The following TRPS1 variants were observed in gnomAD, a reference collection of about 807,000 sequenced individuals.
TRPS1 encodes zinc finger transcription factor Trps1.
In TRPS1, 6 loss-of-function variants were observed where a neutral mutation model predicts 101.2. The observed-to-expected ratio is 0.06, with a 90% CI of 0.03 to 0.12. The LOEUF (loss-of-function observed/expected upper bound fraction) is 0.12. Ranked by LOEUF, TRPS1 falls within the 10% of genes least tolerant of loss-of-function variation. The pLI is 1.00. For missense variants in TRPS1, 1,363 were observed against 1,567.0 expected (o/e 0.87, Z 2.20); for synonymous variants, 578 against 589.8 (o/e 0.98, Z 0.29).
At chr8:115,445,238 G>A (rs969239264) in intron 5 of TRPS1, among the ~76,000 whole-genome samples, 9 of 152,082 alleles carry the variant, frequency 5.9e-5, no homozygotes, top group Admixed American at 3.3e-4. Flanking sequence ...AAGACTCCAC[G>A]TTCCATGAAA....
chr8:115,563,933 C>T (rs778039352), intron 5 of TRPS1, among the ~76,000 whole-genome samples: 3 of 151,956 alleles, frequency 2.0e-5, no homozygotes, highest in Admixed American at 6.6e-5. Flanking sequence ...ATTCTGCCAC[C>T]GTTGGAAAAA....
In TRPS1 at chr8:115,631,842, T is replaced by G. The variant is rs562795505; in HGVS notation, c.-121-8084A>C. 3.3e-4 allele frequency among the ~76,000 whole-genome samples: 51 copies of G among 152,264 alleles called. 1 individual carries two copies. The highest frequency in any genetic ancestry group is 3.4e-3 in the Middle Eastern group (1 of 294). On this transcript the variant is annotated intron_variant, in intron 1 of 6. Transcript: ENST00000395715. Reference sequence around the variant, plus strand: ...TCACGACATCCAAGGAATCAAGGCATTAATTTTCTCCTTATTTCGGCTGAA... The same window carrying G: ...TCACGACATCCAAGGAATCAAGGCAGTAATTTTCTCCTTATTTCGGCTGAA...
chr8:115,524,411 C>A (rs1011120947), intron 5 of TRPS1, among the ~76,000 whole-genome samples: 12 of 146,080 alleles, frequency 8.2e-5, no homozygotes, highest in African/African-American at 3.0e-4. Context: ...ACCTCCACAT[C>A]CCAGGTTCAA....
At chr8:115,549,371 A>G (rs189353743) in intron 5 of TRPS1, among the ~76,000 whole-genome samples, 1 of 152,356 alleles carries the variant, frequency 6.6e-6, no homozygotes, top group East Asian at 1.9e-4. Flanking sequence ...TATGTTTCCA[A>G]TATGACAGGT....
At chr8:115,527,364 T>C (rs1275262847) in intron 5 of TRPS1, among the ~76,000 whole-genome samples, 1 of 152,110 alleles carries the variant, frequency 6.6e-6, no homozygotes, top group Admixed American at 6.6e-5. Context: ...CAAGGTGAAA[T>C]AGCTTAACTC....
intron 5 of TRPS1, among the ~76,000 whole-genome samples, chr8:115,497,623 G>A (rs936453788): frequency 3.3e-5 from 5 of 152,200 alleles, no homozygotes; most frequent in African/African-American, 1.2e-4. Flanking sequence ...AAAGTGGAAA[G>A]GGATAATTCT....
intron 5 of TRPS1, among the ~76,000 whole-genome samples, chr8:115,542,902 G>A (rs1183718123): frequency 6.6e-6 from 1 of 152,054 alleles, no homozygotes; most frequent in South Asian, 2.1e-4. Flanking sequence ...GTTCCATGAG[G>A]GAAAAGCACA....
intron 1 of TRPS1, among the ~76,000 whole-genome samples, chr8:115,624,420 T>C (rs773149801): frequency 1.3e-5 from 2 of 152,026 alleles, no homozygotes; most frequent in East Asian, 3.8e-4. Flanking sequence ...TCTGGGGCTA[T>C]GTAATAGTGA....
At chr8:115,614,584 T>G (rs1414449739) in intron 3 of TRPS1, among the ~76,000 whole-genome samples, 2 of 152,216 alleles carry the variant, frequency 1.3e-5, no homozygotes, top group Non-Finnish European at 2.9e-5. Context: ...TTGCACACTT[T>G]ATTACTTGTT....
chr8:115,623,609 TCATACC>T lies in TRPS1; in HGVS notation c.23_28del (p.Gly8_Tyr9del), dbSNP rs1456722723. ...AAAAATAGATCACATACTTGTAAAA[TCATACC>T]CAGCATTGACTTCATAAGGCATGTG... On this transcript the variant is annotated inframe_deletion, in exon 2 of 7. Coordinates refer to ENST00000395715, the MANE Select transcript of TRPS1 (RefSeq NM_014112.5). 20 of 1,611,952 alleles carry T rather than the reference TCATACC, an allele frequency of 1.2e-5. No homozygotes were observed. Among genetic ancestry groups the T allele is most frequent in the African/African-American group, 4.0e-5 (3 of 74,856 alleles).
intron 5 of TRPS1, among the ~76,000 whole-genome samples, chr8:115,449,956 A>AACACACACACACACACACACAC (rs61176190): frequency 4.8e-5 from 7 of 146,920 alleles, no homozygotes; most frequent in African/African-American, 1.8e-4. Context: ...TATGTGATTT[A>AACACACACACACACACACACAC]ACACACACAC....
At chr8:115,547,670 C>A (rs1816607150) in intron 5 of TRPS1, among the ~76,000 whole-genome samples, 1 of 152,104 alleles carries the variant, frequency 6.6e-6, no homozygotes, top group South Asian at 2.1e-4. Context: ...TTGCCACGGT[C>A]CCTAGTCCCT....
At chr8:115,637,183 A>G in intron 1 of TRPS1, 1 of 886,290 alleles carries the variant, frequency 1.1e-6, no homozygotes, top group Non-Finnish European at 1.4e-6. Context: ...TAACAATATT[A>G]ACATATGTCA....
At chr8:115,660,942 G>A (rs747909067) in intron 1 of TRPS1, among the ~76,000 whole-genome samples, 8 of 151,828 alleles carry the variant, frequency 5.3e-5, no homozygotes, top group Non-Finnish European at 8.8e-5. Context: ...TCACCCTAGG[G>A]AAAAATGCAT....
chr8:115,502,959 A>C (rs1038038979), intron 5 of TRPS1, among the ~76,000 whole-genome samples: 1 of 152,086 alleles, frequency 6.6e-6, no homozygotes, highest in Non-Finnish European at 1.5e-5. Context: ...CTGTAGGTAA[A>C]ATACTTTTAA....
At chr8:115,432,051 T>C (rs910258723) in intron 5 of TRPS1, among the ~76,000 whole-genome samples, 3 of 151,862 alleles carry the variant, frequency 2.0e-5, no homozygotes, top group Non-Finnish European at 4.4e-5. Flanking sequence ...GTTTAATATA[T>C]TTAAAAAATT....
chr8:115,610,073 C>T (rs373111635), intron 3 of TRPS1, among the ~76,000 whole-genome samples: 5 of 152,196 alleles, frequency 3.3e-5, no homozygotes, highest in East Asian at 3.9e-4. Context: ...TTATTTTCAA[C>T]GCAGCAAAGA....
At chr8:115,467,770 T>G (rs752769809) in intron 5 of TRPS1, among the ~76,000 whole-genome samples, 2 of 152,176 alleles carry the variant, frequency 1.3e-5, no homozygotes, top group Non-Finnish European at 2.9e-5. Context: ...TAGCTCACTG[T>G]GTAAATAACC....
intron 5 of TRPS1, among the ~76,000 whole-genome samples, chr8:115,437,991 A>G (rs2129864544): frequency 6.6e-6 from 1 of 152,338 alleles, no homozygotes; most frequent in African/African-American, 2.4e-5. Flanking sequence ...TTATGAGGTT[A>G]TTAAGGCTAA....
Sources: gnomAD v4.1 joint callset for allele counts (sites outside exome capture counted in the v4.1 genomes callset) on GRCh38, gnomAD v4.1.1 for gene constraint, MANE v1.5 for transcripts, NCBI Gene and HGNC (gene_info 2026-07-23, HGNC 2026-07-21) for gene names.